The following PKNOX2 variants were observed in gnomAD, a reference collection of about 807,000 sequenced individuals.
The protein encoded by PKNOX2 is PBX/knotted 1 homeobox 2, also known as homeobox protein PKNOX2.
A neutral mutation model predicts 53.1 loss-of-function variants in PKNOX2; 14 were observed. That is an observed-to-expected ratio of 0.26 (90% CI 0.17 to 0.41). PKNOX2 has a LOEUF of 0.41. Ranked by LOEUF, PKNOX2 falls within the 10% of genes least tolerant of loss-of-function variation. The pLI is 1.00. For missense variants in PKNOX2, 496 were observed against 602.8 expected (o/e 0.82, Z 1.85); for synonymous variants, 257 against 242.8 (o/e 1.06, Z -0.54).
At chr11:125,231,186 C>G (rs924459992) in intron 1 of PKNOX2, among the ~76,000 whole-genome samples, 1 of 152,230 alleles carries the variant, frequency 6.6e-6, no homozygotes, top group Non-Finnish European at 1.5e-5. Context: ...GTCTGGTGCT[C>G]TCTGTGTCAG....
In PKNOX2 at chr11:125,410,101, C is replaced by T. The variant is rs1420183615; in HGVS notation, c.589-95C>T. 3 of 1,485,512 alleles carry T rather than the reference C, an allele frequency of 2.0e-6. No individual in the cohort carries two copies. In the African/African-American group the frequency reaches 4.2e-5, roughly 21 times the overall value. The allele number at this position is 1,485,512 out of a possible 1,614,324, so 92.0% of individuals were successfully genotyped here. On this transcript the variant is annotated intron_variant, in intron 7 of 12. Coordinates refer to ENST00000298282, the MANE Select transcript of PKNOX2 (RefSeq NM_001382323.2). ...GAGGAGCTAGAAGGAGGGAGGGGGG[C>T]AGGCAGGAAGGGGAAAGGACGGAAG...
chr11:125,430,431 A>C (rs1028361557), intron 12 of PKNOX2, among the ~76,000 whole-genome samples: 2 of 152,322 alleles, frequency 1.3e-5, no homozygotes, highest in Middle Eastern at 3.4e-3. Context: ...CCTTAGCACC[A>C]GTAAGTATCT....
chr11:125,397,621 C>T (rs1457889897), intron 6 of PKNOX2, among the ~76,000 whole-genome samples: 1 of 152,182 alleles, frequency 6.6e-6, no homozygotes, highest in East Asian at 1.9e-4. Flanking sequence ...ACAACTGCCT[C>T]AAGAACAGCT....
At chr11:125,291,956 T>C (rs976990152) in intron 2 of PKNOX2, among the ~76,000 whole-genome samples, 1 of 152,104 alleles carries the variant, frequency 6.6e-6, no homozygotes, top group Non-Finnish European at 1.5e-5. Context: ...GAGTTTCTGT[T>C]TGGGGTGATG....
chr11:125,390,687 T>C (rs1342914246), intron 6 of PKNOX2, among the ~76,000 whole-genome samples: 1 of 152,204 alleles, frequency 6.6e-6, no homozygotes, highest in Non-Finnish European at 1.5e-5. Context: ...AAGAACCCTA[T>C]AGCCAATAAA....
intron 1 of PKNOX2, among the ~76,000 whole-genome samples, chr11:125,194,081 T>C (rs994525866): frequency 2.6e-5 from 4 of 152,206 alleles, no homozygotes; most frequent in African/African-American, 9.6e-5. Context: ...AGCAACGTGA[T>C]GTCTTTGGGC....
Position 125,226,920 on chromosome 11 carries a change from C to T in PKNOX2, c.-200-8125C>T, listed in dbSNP as rs181502208. On this transcript the variant is annotated intron_variant, in intron 1 of 12. Coordinates refer to ENST00000298282, the MANE Select transcript of PKNOX2 (RefSeq NM_001382323.2). ...GGCAGCCTCTCCTCTGACTTCTCCC[C>T]GCTGGGGCTGGGAGGCTCTGGGTTC... 5.9e-4 allele frequency among the ~76,000 whole-genome samples: 90 copies of T among 152,114 alleles called. 1 individual carries two copies. Among genetic ancestry groups the T allele is most frequent in the Middle Eastern group, 3.4e-3 (1 of 294 alleles).
chr11:125,258,035 G>A (rs1185733136), intron 2 of PKNOX2, among the ~76,000 whole-genome samples: 2 of 152,148 alleles, frequency 1.3e-5, no homozygotes, highest in African/African-American at 4.8e-5. Flanking sequence ...GGCCTTCCCT[G>A]GGGTTTTAGG....
At chr11:125,175,270 G>C (rs1230294593) in intron 1 of PKNOX2, among the ~76,000 whole-genome samples, 2 of 147,864 alleles carry the variant, frequency 1.4e-5, no homozygotes, top group Non-Finnish European at 3.0e-5. Flanking sequence ...GAAGGAGGGA[G>C]AGCTTCAATC....
At chr11:125,191,923 C>T (rs762221638) in intron 1 of PKNOX2, among the ~76,000 whole-genome samples, 6 of 152,224 alleles carry the variant, frequency 3.9e-5, no homozygotes, top group Non-Finnish European at 8.8e-5. Flanking sequence ...TCCCTTTCTA[C>T]TGCTCCAGTG....
intron 4 of PKNOX2, 45 bp downstream of exon 4, chr11:125,351,437 G>T: frequency 7.8e-7 from 1 of 1,284,258 alleles, no homozygotes. Flanking sequence ...GGGAGGGAGT[G>T]TGGTGGCCTT....
chr11:125,301,399 G>A (rs1948058766), intron 2 of PKNOX2, among the ~76,000 whole-genome samples: 1 of 151,854 alleles, frequency 6.6e-6, no homozygotes, highest in African/African-American at 2.4e-5. Context: ...AAGCAGGGTA[G>A]ACTTCTTCTG....
At chr11:125,290,830 T>C (rs1384641012) in intron 2 of PKNOX2, among the ~76,000 whole-genome samples, 2 of 152,140 alleles carry the variant, frequency 1.3e-5, no homozygotes, top group Admixed American at 1.3e-4. Flanking sequence ...TGCCTGAGGT[T>C]CTGTGGGAGC....
intron 6 of PKNOX2, among the ~76,000 whole-genome samples, chr11:125,389,308 G>A (rs1309842558): frequency 6.6e-6 from 1 of 152,168 alleles, no homozygotes; most frequent in Non-Finnish European, 1.5e-5. Context: ...CCAGAACCCA[G>A]GTCAGCTGAC....
At chr11:125,411,058 G>A (rs1447228313) in intron 9 of PKNOX2, 182 bp downstream of exon 9, 2 of 575,900 alleles carry the variant, frequency 3.5e-6, no homozygotes, top group East Asian at 3.0e-5. Context: ...TCAACTCCTG[G>A]GATTTTGCTG....
At chr11:125,325,955 A>G (rs1342755097) in intron 2 of PKNOX2, among the ~76,000 whole-genome samples, 1 of 152,228 alleles carries the variant, frequency 6.6e-6, no homozygotes, top group Non-Finnish European at 1.5e-5. Flanking sequence ...TTGGCAATGA[A>G]TAATAATAAC....
chr11:125,417,417 C>T (rs1745846777), intron 10 of PKNOX2, among the ~76,000 whole-genome samples: 1 of 152,058 alleles, frequency 6.6e-6, no homozygotes, highest in African/African-American at 2.4e-5. Context: ...GCCACTGCAG[C>T]GTGCCGGGTT....
chr11:125,205,088 C>T (rs776114707), intron 1 of PKNOX2, among the ~76,000 whole-genome samples: 1 of 152,204 alleles, frequency 6.6e-6, no homozygotes, highest in Non-Finnish European at 1.5e-5. Context: ...GTGTCCATTA[C>T]GTGTTCATTA....
At chr11:125,311,008 G>C (rs139742402) in intron 2 of PKNOX2, among the ~76,000 whole-genome samples, 260 of 152,124 alleles carry the variant, frequency 1.7e-3, no homozygotes, top group African/African-American at 5.9e-3. Flanking sequence ...AGAACAGGGA[G>C]AGAATGTGTG....
Sources: allele counts gnomAD v4.1 joint callset (sites outside exome capture counted in the v4.1 genomes callset), GRCh38; gene constraint gnomAD v4.1.1; transcripts MANE v1.5; gene names NCBI Gene and HGNC (gene_info 2026-07-23, HGNC 2026-07-21).